Variants in EYS observed in about 807,000 individuals in gnomAD.
EYS encodes the protein protein eyes shut homolog.
A neutral mutation model predicts 282.1 loss-of-function variants in EYS; 250 were observed. The observed-to-expected ratio is 0.89, with a 90% CI of 0.80 to 0.98. The LOEUF (loss-of-function observed/expected upper bound fraction) is 0.98. EYS is among the 50% of genes least tolerant of loss of function. The probability of loss-of-function intolerance (pLI) is 0.00; values close to 1 mark genes in which losing one functional copy is unlikely to be tolerated. For missense variants in EYS, 4,016 were observed against 3,709.0 expected (o/e 1.08, Z -2.15); for synonymous variants, 1,355 against 1,282.9 (o/e 1.06, Z -1.20).
At chr6:64,164,925 A>T (rs1237774407) in intron 31 of EYS, among the ~76,000 whole-genome samples, 2 of 152,060 alleles carry the variant, frequency 1.3e-5, no homozygotes, top group East Asian at 1.9e-4. Flanking sequence ...ATTGATTTGG[A>T]TCTTTGACTT....
chr6:64,368,402 A>C (rs1285825701), intron 29 of EYS, among the ~76,000 whole-genome samples: 1 of 152,094 alleles, frequency 6.6e-6, no homozygotes, highest in African/African-American at 2.4e-5. Flanking sequence ...TGCGATAAAC[A>C]TATGTGCACG....
chr6:64,734,496 C>T (rs1207196484), intron 22 of EYS, among the ~76,000 whole-genome samples: 1 of 152,144 alleles, frequency 6.6e-6, no homozygotes. Context: ...GCATAGAAAT[C>T]AGAATAAGTT....
chr6:63,931,821 A>G, intron 35 of EYS, among the ~76,000 whole-genome samples: 1 of 152,288 alleles, frequency 6.6e-6, no homozygotes, highest in Non-Finnish European at 1.5e-5. Context: ...CATATAATAA[A>G]TTATCATTAA....
chr6:65,456,181 G>A (rs971301910), intron 5 of EYS, among the ~76,000 whole-genome samples: 1 of 152,006 alleles, frequency 6.6e-6, no homozygotes, highest in Non-Finnish European at 1.5e-5. Flanking sequence ...GGCCGGGCGA[G>A]GTAGCTCACA....
In EYS at chr6:64,686,839, GTGTA is replaced by G. The variant is rs1416542722; in HGVS notation, c.3444-60598_3444-60595del. On this transcript the variant is annotated intron_variant, in intron 22 of 42. Transcript: ENST00000503581. ...TATATATGTGTATATATATATATAC[GTGTA>G]TATATATATATGTGTATATATATAC... Among the ~76,000 whole-genome samples, 48 of 15,184 alleles carry G rather than the reference GTGTA, an allele frequency of 3.2e-3. 9 individuals carry two copies. Among genetic ancestry groups the G allele is most frequent in the African/African-American group, 0.01 (48 of 4,728 alleles). The allele number at this position is 15,184 out of a possible 152,430, so 10.0% of individuals were successfully genotyped here.
intron 2 of EYS, among the ~76,000 whole-genome samples, chr6:65,616,743 G>A (rs1035364702): frequency 2.0e-5 from 3 of 150,684 alleles, no homozygotes; most frequent in African/African-American, 7.4e-5. Context: ...CCGAGATAAC[G>A]CCACTGCACT....
At chr6:64,074,623 A>T (rs969053947) in intron 32 of EYS, among the ~76,000 whole-genome samples, 1 of 151,772 alleles carries the variant, frequency 6.6e-6, no homozygotes, top group Admixed American at 6.6e-5. Context: ...AAAGAGGTTC[A>T]TTGGTTATCG....
chr6:64,672,639 A>C (rs1769505839), intron 22 of EYS, among the ~76,000 whole-genome samples: 1 of 152,110 alleles, frequency 6.6e-6, no homozygotes, highest in African/African-American at 2.4e-5. Context: ...TTCCACTATC[A>C]ATTTGGATTT....
At chr6:64,726,532 A>G (rs369364228) in intron 22 of EYS, among the ~76,000 whole-genome samples, 1 of 152,306 alleles carries the variant, frequency 6.6e-6, no homozygotes, top group East Asian at 1.9e-4. Context: ...CTGTCATGGT[A>G]TATTTCTACC....
chr6:65,297,631 T>A (rs1258160416), intron 11 of EYS, among the ~76,000 whole-genome samples: 1 of 151,982 alleles, frequency 6.6e-6, no homozygotes, highest in Non-Finnish European at 1.5e-5. Flanking sequence ...ATCTGCAAAA[T>A]TCTCAGCTGC....
rs138255012 is a variant in EYS, at chr6:65,353,568, T to G, written c.1349A>C (p.Asn450Thr). Residue 450 changes from asparagine to threonine, a missense_variant, in exon 9 of 43, where the codon AAT becomes ACT. By Grantham distance (65) the Asn-to-Thr change is moderately conservative. Transcript: ENST00000503581. ...GAGGTGTTGATGAATTAGGTAAACATTCTTCAAAAACCAACATGGATTTTT... is the reference window on the plus strand; with the variant it reads ...GAGGTGTTGATGAATTAGGTAAACAGTCTTCAAAAACCAACATGGATTTTT... ...CTKNPCWFLK[N>T]VYLIHQHLCY... The G allele has an allele frequency of 2.5e-5, 40 of 1,613,100 alleles. No individual in the cohort carries two copies. The Admixed American group carries it at 3.0e-4, about 12-fold the overall frequency.
intron 5 of EYS, among the ~76,000 whole-genome samples, chr6:65,429,857 G>T (rs1395728506): frequency 2.0e-5 from 3 of 151,804 alleles, no homozygotes; most frequent in African/African-American, 7.3e-5. Context: ...TTTAATTATT[G>T]TAATGACAAT....
intron 2 of EYS, among the ~76,000 whole-genome samples, chr6:65,619,559 T>C (rs866085219): frequency 1.6e-4 from 24 of 152,302 alleles, no homozygotes; most frequent in African/African-American, 5.8e-4. Context: ...TTCCACTGCC[T>C]AATTGCCCTG....
At chr6:65,185,581 T>C (rs915648080) in intron 12 of EYS, among the ~76,000 whole-genome samples, 11 of 151,870 alleles carry the variant, frequency 7.2e-5, no homozygotes, top group Admixed American at 2.0e-4. Flanking sequence ...ATAATTTTTC[T>C]TGGCTGTTTC....
At chr6:65,403,884 C>T (rs139223348) in intron 6 of EYS, among the ~76,000 whole-genome samples, 173 of 151,932 alleles carry the variant, frequency 1.1e-3, no homozygotes, top group African/African-American at 3.7e-3. Flanking sequence ...ACATTTTAAA[C>T]GATACTATTA....
chr6:64,051,853 G>T (rs1234525994), intron 33 of EYS, among the ~76,000 whole-genome samples: 1 of 152,060 alleles, frequency 6.6e-6, no homozygotes, highest in African/African-American at 2.4e-5. Context: ...TAAAACACAG[G>T]TCACAGAGAG....
At chr6:65,177,370 G>A (rs1373264805) in intron 12 of EYS, among the ~76,000 whole-genome samples, 1 of 151,728 alleles carries the variant, frequency 6.6e-6, no homozygotes, top group Non-Finnish European at 1.5e-5. Flanking sequence ...GAAATAAAAT[G>A]GGCATTATGT....
Position 65,295,907 on chromosome 6 carries a change from T to C in EYS, c.1979A>G (p.His660Arg). The C allele has an allele frequency of 6.4e-7, 1 of 1,550,860 alleles. No individual in the cohort carries two copies. Among genetic ancestry groups the C allele is most frequent in the Non-Finnish European group, 8.7e-7 (1 of 1,146,396 alleles). Residue 660 changes from histidine (H) to arginine (R), a missense_variant, in exon 12 of 43, where the codon CAT becomes CGT. His to Arg is a conservative substitution (Grantham distance 29). Transcript: ENST00000503581. ...ASCKNGTTSTHLRGYFFRKCV... is the reference protein window; with the variant it reads ...ASCKNGTTSTRLRGYFFRKCV... ...CTTGCGGAAGAAATATCCCCTTAAA[T>C]GTGTACTAGTTGTTCCATTTTTGCA...
At chr6:64,833,551 T>C (rs1261869790) in intron 19 of EYS, among the ~76,000 whole-genome samples, 1 of 151,850 alleles carries the variant, frequency 6.6e-6, no homozygotes, top group Non-Finnish European at 1.5e-5. Context: ...TATACATAGG[T>C]CAAAACAATC....
Sources: allele counts gnomAD v4.1 joint callset (sites outside exome capture counted in the v4.1 genomes callset), GRCh38; gene constraint gnomAD v4.1.1; transcripts MANE v1.5; gene names NCBI Gene and HGNC (gene_info 2026-07-23, HGNC 2026-07-21).